MYH15: variants seen among roughly 807,000 people sequenced by gnomAD.
MYH15 encodes myosin heavy chain 15.
A neutral mutation model predicts 240.5 loss-of-function variants in MYH15; 227 were observed. The ratio of observed to expected loss-of-function variants is 0.94; its 90% CI spans 0.85 to 1.05. The LOEUF is 1.05. Among genes scored for constraint, MYH15 ranks in the 50% least tolerant of loss-of-function variants. The pLI is 0.00. For synonymous variants in MYH15, 785 were observed against 796.7 expected (o/e 0.99, Z 0.25); for missense variants, 2,217 against 2,247.5 (o/e 0.99, Z 0.27).
intron 35 of MYH15, among the ~76,000 whole-genome samples, chr3:108,395,855 C>A (rs114265141): frequency 0.012 from 1,754 of 152,190 alleles, 28 homozygotes; most frequent in African/African-American, 0.034. Flanking sequence ...CTAGTAACTG[C>A]AAGGTGCCGC....
the MYH15 span, among the ~76,000 whole-genome samples, chr3:108,538,212 CTTAATATCAGA>C: frequency 6.6e-6 from 1 of 152,182 alleles, no homozygotes; most frequent in East Asian, 1.9e-4. Flanking sequence ...TTCCTGATGG[CTTAATATCAGA>C]AGCTCCAAGT....
At chr3:108,402,300 A>C (rs1354375732) in intron 33 of MYH15, among the ~76,000 whole-genome samples, 1 of 152,228 alleles carries the variant, frequency 6.6e-6, no homozygotes, top group African/African-American at 2.4e-5. Context: ...AAAGAAACCA[A>C]GTCAGATGGT....
rs1462848187 is a variant in MYH15 at position 108,454,297 on chromosome 3, A to G, written c.2263-155T>C. Reference sequence around the variant, plus strand: ...TAATGTGTAAAATCTACTTCTTAGAAAGTTTGATTTTATAAATCTAAAATG... The same window carrying G: ...TAATGTGTAAAATCTACTTCTTAGAGAGTTTGATTTTATAAATCTAAAATG... On this transcript the variant is annotated intron_variant, in intron 20 of 40. Transcript: ENST00000693548. Among the ~76,000 whole-genome samples the G allele has an allele frequency of 2.6e-5, 4 of 152,308 alleles. No homozygotes were observed. The East Asian group carries it at 5.8e-4, about 22-fold the overall frequency.
chr3:108,480,449 TATTA>T (rs2083258151), intron 11 of MYH15, among the ~76,000 whole-genome samples: 1 of 152,118 alleles, frequency 6.6e-6, no homozygotes, highest in Non-Finnish European at 1.5e-5. Context: ...CGCTATAACA[TATTA>T]ATTAAAGAAT....
Position 108,470,067 on chromosome 3 carries a change from T to C in MYH15, c.1529A>G (p.Gln510Arg), listed in dbSNP as rs753497088. 9 of 1,605,638 alleles carry C rather than the reference T, an allele frequency of 5.6e-6. No homozygotes were observed. The highest frequency in any genetic ancestry group is 7.6e-6 in the Non-Finnish European group (9 of 1,177,374). ...CTTCTCAATGAGATCTATGCAAGCT[T>C]GCAAATCCAGACCAAAGCCAATAGA... ...WVSIGFGLDL[Q>R]ACIDLIEKPM... Residue 510 changes from glutamine (Q) to arginine (R), a missense_variant, in exon 14 of 41, where the codon CAA (glutamine) becomes CGA (arginine). Physicochemically the swap from Gln to Arg is conservative, Grantham distance 43 (BLOSUM62 1). Coordinates refer to ENST00000693548, the MANE Select transcript of MYH15 (RefSeq NM_014981.3).
At chr3:108,446,783 C>T (rs2082931979) in intron 21 of MYH15, among the ~76,000 whole-genome samples, 1 of 152,116 alleles carries the variant, frequency 6.6e-6, no homozygotes, top group South Asian at 2.1e-4. Flanking sequence ...AGGGGGGATG[C>T]TGTTTCTTCA....
chr3:108,501,706 A>T lies in MYH15; in HGVS notation c.339+6T>A. The T allele has an allele frequency of 6.2e-7, 1 of 1,613,980 alleles. No homozygotes were observed. The highest frequency in any genetic ancestry group is 8.5e-7 in the Non-Finnish European group (1 of 1,179,900). ...TGACAGTTTAGCAGGAAAGCATATT[A>T]CACACATAGATCATCCACTGGCCAT... On this transcript the variant is annotated splice_donor_region_variant and intron_variant, in intron 3 of 40. Transcript: ENST00000693548.
intron 25 of MYH15, among the ~76,000 whole-genome samples, chr3:108,436,087 A>G (rs2082832666): frequency 6.6e-6 from 1 of 152,196 alleles, no homozygotes; most frequent in African/African-American, 2.4e-5. Context: ...GTCTCTTGTC[A>G]TCGCTAATTT....
At chr3:108,505,463 T>G (rs1429034504) in intron 2 of MYH15, among the ~76,000 whole-genome samples, 1 of 152,058 alleles carries the variant, frequency 6.6e-6, no homozygotes, top group East Asian at 1.9e-4. Context: ...AGATACAGGA[T>G]TTTGCCATGT....
the MYH15 span, among the ~76,000 whole-genome samples, chr3:108,547,020 T>C: frequency 6.6e-6 from 1 of 152,136 alleles, no homozygotes; most frequent in South Asian, 2.1e-4. Flanking sequence ...CAAGGACTTA[T>C]CATGCTCATT....
At position 108,444,770 on chromosome 3, in the gene MYH15, G is replaced by A. The variant is rs780174718; in HGVS notation, c.2525C>T (p.Ala842Val). The A allele has an allele frequency of 6.2e-7, 1 of 1,614,028 alleles. No individual in the cohort carries two copies. Among genetic ancestry groups the A allele is most frequent in the Non-Finnish European group, 8.5e-7 (1 of 1,179,984 alleles). Residue 842 changes from alanine to valine, a missense_variant, in exon 22 of 41, where the codon GCT (alanine) becomes GTT (valine). Transcript: ENST00000693548. Reference protein sequence around the residue: ...VKSSEVGEEVAGLKEECAQLQ... With the variant: ...VKSSEVGEEVVGLKEECAQLQ... ...TTGTGCACACTCTTCCTTCAGTCCA[G>A]CTACTTCTTCTCCTACTTCTGAAGA...
chr3:108,534,518 G>A, the MYH15 span, among the ~76,000 whole-genome samples: 1 of 152,016 alleles, frequency 6.6e-6, no homozygotes, highest in African/African-American at 2.4e-5. Context: ...GGTAAAAATA[G>A]TCTCATAATT....
chr3:108,413,507 C>T (rs1230148683), intron 30 of MYH15, among the ~76,000 whole-genome samples: 8 of 152,154 alleles, frequency 5.3e-5, no homozygotes, highest in African/African-American at 1.9e-4. Flanking sequence ...TTTGAGTAAA[C>T]CTTGAATGAT....
chr3:108,434,307 T>C (rs2082811898), intron 25 of MYH15, among the ~76,000 whole-genome samples: 1 of 151,344 alleles, frequency 6.6e-6, no homozygotes, highest in African/African-American at 2.4e-5. Context: ...CTCAGCGTTC[T>C]GAGCAGCTGG....
chr3:108,381,619 C>G, intron 40 of MYH15, 60 bp from the exon 41 acceptor site: 1 of 1,591,026 alleles, frequency 6.3e-7, no homozygotes, highest in Non-Finnish European at 8.6e-7. Context: ...CAGTGGAACA[C>G]ATGTCCAGAA....
chr3:108,522,912 CG>C (rs1413276418), intron 1 of MYH15, among the ~76,000 whole-genome samples: 1 of 151,998 alleles, frequency 6.6e-6, no homozygotes, highest in East Asian at 1.9e-4. Flanking sequence ...GCATCTTCCA[CG>C]CAGATTTGCT....
chr3:108,514,516 G>C (rs2083545677), upstream of MYH15, among the ~76,000 whole-genome samples: 1 of 152,030 alleles, frequency 6.6e-6, no homozygotes, highest in African/African-American at 2.4e-5. Context: ...TACAATAATG[G>C]GCAGAATAAA....
At chr3:108,397,015 T>C (rs7636575) in intron 35 of MYH15, among the ~76,000 whole-genome samples, 108,624 of 152,042 alleles carry the variant, frequency 0.71, 39,212 homozygotes, top group Middle Eastern at 0.78. Context: ...CTGTGGCAAC[T>C]AAAATGATCC....
chr3:108,454,334 A>C (rs2083001678), intron 20 of MYH15, among the ~76,000 whole-genome samples, 192 bp from the exon 21 acceptor site: 1 of 152,238 alleles, frequency 6.6e-6, no homozygotes, highest in South Asian at 2.1e-4. Flanking sequence ...GAAAAAAAAA[A>C]CGTTATTAAA....
Sources: gnomAD v4.1 joint callset for allele counts (sites outside exome capture counted in the v4.1 genomes callset) on GRCh38, gnomAD v4.1.1 for gene constraint, MANE v1.5 for transcripts, NCBI Gene and HGNC (gene_info 2026-07-23, HGNC 2026-07-21) for gene names.